Variants in CLEC2D observed in about 807,000 individuals in gnomAD.
CLEC2D encodes C-type lectin related f.
CLEC2D carries 16 observed loss-of-function variants against 20.0 expected under a neutral mutation model. That is an observed-to-expected ratio of 0.80 (90% CI 0.54 to 1.22). The LOEUF is 1.22. Among genes scored for constraint, CLEC2D ranks in the 50% most tolerant of loss-of-function variants. The probability of loss-of-function intolerance (pLI) is 0.00; values close to 1 mark genes in which losing one functional copy is unlikely to be tolerated. For synonymous variants in CLEC2D, 77 were observed against 71.1 expected, an observed-to-expected ratio of 1.08 and a Z score of -0.42; for missense variants, 207 against 221.5, an observed-to-expected ratio of 0.93 and a Z score of 0.42.
intron 1 of CLEC2D, among the ~76,000 whole-genome samples, chr12:9,680,011 G>T (rs1214654836): frequency 6.6e-6 from 1 of 152,180 alleles, no homozygotes; most frequent in Admixed American, 6.5e-5. Context: ...TGGCCTAGCT[G>T]TGTCTTTACC....
intron 4 of CLEC2D, chr12:9,693,205 A>AG: frequency 2.2e-6 from 2 of 921,848 alleles, no homozygotes; most frequent in Non-Finnish European, 3.5e-6. Flanking sequence ...AATATCTTTA[A>AG]GTCTGTTCCT....
intron 1 of CLEC2D, among the ~76,000 whole-genome samples, chr12:9,680,679 T>A (rs1416793224): frequency 6.6e-6 from 1 of 152,194 alleles, no homozygotes; most frequent in African/African-American, 2.4e-5. Flanking sequence ...TTAGTTGACA[T>A]GAATCTCTCC....
At position 9,695,739 on chromosome 12, in the gene CLEC2D, G is replaced by A. The variant is rs1364826236; in HGVS notation, c.*865G>A. ...TTAGTGGACAGCACTTAGTAGCTGTGAAGGAAGGTGCAGAGTCAGAAGATG... is the reference window on the plus strand; with the variant it reads ...TTAGTGGACAGCACTTAGTAGCTGTAAAGGAAGGTGCAGAGTCAGAAGATG... On this transcript the variant is annotated 3_prime_UTR_variant, in exon 5 of 5. Coordinates refer to ENST00000290855, the MANE Select transcript of CLEC2D (RefSeq NM_013269.6). 6 of 1,441,836 alleles carry A rather than the reference G, an allele frequency of 4.2e-6. No homozygotes were observed. The highest frequency in any genetic ancestry group is 5.8e-6 in the Non-Finnish European group (6 of 1,034,014). The allele number at this position is 1,441,836 out of a possible 1,614,324, so 89.3% of individuals were successfully genotyped here. A position where few individuals can be genotyped will look rare whatever the true frequency, so the allele number is the denominator to read the frequency against.
At chr12:9,676,286 T>A (rs1205896216) in intron 1 of CLEC2D, among the ~76,000 whole-genome samples, 3 of 152,186 alleles carry the variant, frequency 2.0e-5, no homozygotes, top group Non-Finnish European at 4.4e-5. Flanking sequence ...TAGGTTATTG[T>A]AGATATTCTT....
At chr12:9,673,517 C>T (rs1865463146) in intron 1 of CLEC2D, among the ~76,000 whole-genome samples, 1 of 152,254 alleles carries the variant, frequency 6.6e-6, no homozygotes, top group African/African-American at 2.4e-5. Flanking sequence ...GGAAGTCTCA[C>T]CCAGTCAGGA....
At position 9,694,785 on chromosome 12, in the gene CLEC2D, T is replaced by TATTTGAATGACAAAG. The variant is rs1282007249; in HGVS notation, c.487_488insATTTGAATGACAAAG (p.Cys163delinsTyrLeuAsnAspLysGly). ...GTTTCCTATCCTGGGAGCAGGAGAG[T>TATTTGAATGACAAAG]GTGCCTATTTGAATGACAAAGGTGC... On this transcript the variant is annotated protein_altering_variant, in exon 5 of 5. Transcript: ENST00000290855. The TATTTGAATGACAAAG allele has an allele frequency of 1.2e-6, 2 of 1,611,648 alleles. No homozygotes were observed. The highest frequency in any genetic ancestry group is 1.7e-6 in the Non-Finnish European group (2 of 1,177,954).
At chr12:9,692,117 CTCTT>C (rs1470747928) in intron 3 of CLEC2D, among the ~76,000 whole-genome samples, 9 of 151,742 alleles carry the variant, frequency 5.9e-5, no homozygotes, top group South Asian at 2.1e-4. Flanking sequence ...TTCTTTCTTT[CTCTT>C]TCTTTCGTTC....
chr12:9,677,255 A>G (rs774056409), intron 1 of CLEC2D, among the ~76,000 whole-genome samples: 3 of 152,086 alleles, frequency 2.0e-5, no homozygotes, highest in East Asian at 1.9e-4. Context: ...AATACTATCA[A>G]TTTCTCTTTA....
chr12:9,678,322 T>A (rs1259874262), intron 1 of CLEC2D, among the ~76,000 whole-genome samples: 4 of 152,178 alleles, frequency 2.6e-5, no homozygotes, highest in Non-Finnish European at 1.5e-5. Context: ...TATGATATAA[T>A]ACATATATAT....
At chr12:9,684,766 G>C (rs957647766) in intron 2 of CLEC2D, among the ~76,000 whole-genome samples, 1 of 152,128 alleles carries the variant, frequency 6.6e-6, no homozygotes, top group African/African-American at 2.4e-5. Flanking sequence ...TTGATGTGCT[G>C]CTGGATTCGG....
chr12:9,689,766 GAAGT>G (rs1410124700), intron 3 of CLEC2D, among the ~76,000 whole-genome samples: 2 of 151,976 alleles, frequency 1.3e-5, no homozygotes, highest in African/African-American at 4.8e-5. Flanking sequence ...GCAGATTTGA[GAAGT>G]AAGAGATCAG....
intron 4 of CLEC2D, chr12:9,693,160 C>A: frequency 1.5e-6 from 2 of 1,305,718 alleles, no homozygotes; most frequent in South Asian, 1.2e-5. Flanking sequence ...TTATCTATGT[C>A]ATTTTCAAAC....
In CLEC2D at chr12:9,680,959, C is replaced by T. The variant is rs1365068121; in HGVS notation, c.98C>T (p.Thr33Ile). 1 of 1,604,222 alleles carries T rather than the reference C, an allele frequency of 6.2e-7. No individual in the cohort carries two copies. Among genetic ancestry groups the T allele is most frequent in the African/African-American group, 1.3e-5 (1 of 74,730 alleles). ...TCAAAAGAGCATTCTATTAAAGCTA[C>T]CTTAATTTGGCGCTTATTTTTCTTA... is the stretch of plus-strand genomic sequence containing the variant. Reference protein sequence around the residue: ...LHSKEHSIKATLIWRLFFLIM... With the variant: ...LHSKEHSIKAILIWRLFFLIM... The change falls in exon 2 of 5, where the codon ACC (threonine) becomes ATC (isoleucine). Residue 33 changes from threonine to isoleucine, a missense_variant. Coordinates refer to ENST00000290855, the MANE Select transcript of CLEC2D (RefSeq NM_013269.6).
intron 1 of CLEC2D, among the ~76,000 whole-genome samples, chr12:9,670,534 A>T (rs1203423766): frequency 1.3e-5 from 2 of 152,132 alleles, no homozygotes; most frequent in Non-Finnish European, 2.9e-5. Context: ...AATGCTTTAA[A>T]CTGTTTGTCG....
chr12:9,686,037 G>C (rs758064773), intron 2 of CLEC2D, among the ~76,000 whole-genome samples: 3 of 152,014 alleles, frequency 2.0e-5, no homozygotes, highest in Non-Finnish European at 4.4e-5. Flanking sequence ...TGGGAAAAGC[G>C]TAGTATCTGG....
intron 1 of CLEC2D, among the ~76,000 whole-genome samples, chr12:9,675,640 A>G (rs1339896612): frequency 1.3e-5 from 2 of 152,188 alleles, no homozygotes; most frequent in African/African-American, 2.4e-5. Context: ...GCCTATCTAT[A>G]TAAACTTTAG....
rs964548886 is a variant in CLEC2D, at chr12:9,698,988, T to G, written c.*4114T>G. 1 of 152,204 alleles carries G rather than the reference T, an allele frequency of 6.6e-6. No homozygotes were observed. The highest frequency in any genetic ancestry group is 6.5e-5 in the Admixed American group (1 of 15,272). The allele number at this position is 152,204 out of a possible 1,614,324, so 9.4% of individuals were successfully genotyped here. On this transcript the variant is annotated 3_prime_UTR_variant, in exon 5 of 5. Transcript: ENST00000290855. ...GGGTTTTCATTAACTGAAGTCATAT[T>G]GTAGGAAAAAGAATGAAGTCTCTTA...
Position 9,698,646 on chromosome 12 carries a change from TAAAC to T in CLEC2D, c.*3776_*3779del, listed in dbSNP as rs546423004. On this transcript the variant is annotated 3_prime_UTR_variant, in exon 5 of 5. Transcript: ENST00000290855. ...AAAGTAGATGCAACCACAGTGAAAA[TAAAC>T]AAATGAAATTGCATAAAATAAAAAA... The T allele has an allele frequency of 2.6e-5, 4 of 152,236 alleles. No individual in the cohort carries two copies. Among genetic ancestry groups the T allele is most frequent in the South Asian group, 2.1e-4 (1 of 4,826 alleles). The allele number at this position is 152,236 out of a possible 1,614,324, so 9.4% of individuals were successfully genotyped here. A position where few individuals can be genotyped will look rare whatever the true frequency, so the allele number is the denominator to read the frequency against.
At chr12:9,686,312 G>A (rs1865749165) in intron 2 of CLEC2D, among the ~76,000 whole-genome samples, 1 of 151,764 alleles carries the variant, frequency 6.6e-6, no homozygotes, top group South Asian at 2.1e-4. Flanking sequence ...TGCCCTCTCT[G>A]GTCTGGTCGT....
Sources: gnomAD v4.1 joint callset for allele counts (sites outside exome capture counted in the v4.1 genomes callset) on GRCh38, gnomAD v4.1.1 for gene constraint, MANE v1.5 for transcripts, NCBI Gene and HGNC (gene_info 2026-07-23, HGNC 2026-07-21) for gene names.